The following GRIP1 variants were observed in gnomAD, a reference collection of about 807,000 sequenced individuals.
GRIP1 encodes glutamate receptor interacting protein 1.
GRIP1 carries 45 observed loss-of-function variants against 129.9 expected under a neutral mutation model. That is an observed-to-expected ratio of 0.35 (90% CI 0.27 to 0.44). GRIP1 has a LOEUF of 0.44. GRIP1 is among the 20% of genes least tolerant of loss of function. The probability of loss-of-function intolerance (pLI) is 1.00; values close to 1 mark genes in which losing one functional copy is unlikely to be tolerated. For synonymous variants in GRIP1, 530 were observed against 520.8 expected, an observed-to-expected ratio of 1.02 and a Z score of -0.24; for missense variants, 1,196 against 1,396.8, an observed-to-expected ratio of 0.86 and a Z score of 2.29.
At chr12:66,982,127 A>T (rs2042249222) in intron 1 of GRIP1, among the ~76,000 whole-genome samples, 1 of 152,222 alleles carries the variant, frequency 6.6e-6, no homozygotes, top group East Asian at 1.9e-4. Context: ...AAGGTCAAAG[A>T]TGTTAATTAA....
At chr12:66,395,014 G>A (rs1213461516) in intron 16 of GRIP1, among the ~76,000 whole-genome samples, 1 of 152,272 alleles carries the variant, frequency 6.6e-6, no homozygotes, top group Non-Finnish European at 1.5e-5. Context: ...CTCTTTCAAT[G>A]GAGTAACAGC....
chr12:66,743,104 GAGA>G (rs1377380384), intron 1 of GRIP1, among the ~76,000 whole-genome samples: 1 of 152,060 alleles, frequency 6.6e-6, no homozygotes, highest in Non-Finnish European at 1.5e-5. Context: ...AAATAAAGAA[GAGA>G]ACCATTCTCC....
intron 7 of GRIP1, among the ~76,000 whole-genome samples, chr12:66,471,643 A>G (rs1046358443): frequency 2.0e-5 from 3 of 152,232 alleles, no homozygotes; most frequent in African/African-American, 7.2e-5. Flanking sequence ...GAGAAAGTCT[A>G]CTAGTCTCTA....
intron 1 of GRIP1, among the ~76,000 whole-genome samples, chr12:67,059,246 G>C (rs946415545): frequency 2.6e-5 from 4 of 152,210 alleles, no homozygotes; most frequent in South Asian, 2.1e-4. Flanking sequence ...GATAGGACAA[G>C]TACCTAGAAA....
intron 22 of GRIP1, among the ~76,000 whole-genome samples, chr12:66,376,064 A>G (rs76741926): frequency 0.011 from 1,684 of 152,314 alleles, 36 homozygotes; most frequent in African/African-American, 0.039. Flanking sequence ...AAAATGAATC[A>G]TTGCTAACAT....
intron 2 of GRIP1, among the ~76,000 whole-genome samples, chr12:66,583,064 G>T (rs976975164): frequency 1.7e-3 from 250 of 151,494 alleles, no homozygotes; most frequent in African/African-American, 5.9e-3. Context: ...CAGAGATATA[G>T]ATCAATGGAA....
intron 1 of GRIP1, among the ~76,000 whole-genome samples, chr12:66,691,494 T>C (rs1859863632): frequency 6.6e-6 from 1 of 152,192 alleles, no homozygotes; most frequent in African/African-American, 2.4e-5. Flanking sequence ...CAAAGTTAGA[T>C]CCATCAACTT....
At chr12:66,880,167 T>C (rs1219300138) in intron 1 of GRIP1, among the ~76,000 whole-genome samples, 1 of 151,904 alleles carries the variant, frequency 6.6e-6, no homozygotes, top group African/African-American at 2.4e-5. Flanking sequence ...TGACCAGCCA[T>C]GCAAAGAAGG....
rs1463136035 is a variant in GRIP1 at position 66,731,740 on chromosome 12, A to G, written c.-420+72313T>C. 3.9e-5 allele frequency among the ~76,000 whole-genome samples: 6 copies of G among 152,318 alleles called. No homozygotes were observed. In the East Asian group the frequency reaches 9.6e-4, roughly 24 times the overall value. On this transcript the variant is annotated intron_variant, in intron 1 of 4. Coordinates refer to the GRIP1 transcript ENST00000538373. The stretch of plus-strand genomic sequence containing the variant: ...CTTAATGCCACTGAACTGTATACTA[A>G]AAGTGGTTAAAATGGTAAATTTTAT...
At chr12:66,749,274 T>A (rs2037050458) in intron 1 of GRIP1, among the ~76,000 whole-genome samples, 1 of 152,158 alleles carries the variant, frequency 6.6e-6, no homozygotes, top group Non-Finnish European at 1.5e-5. Flanking sequence ...ATAAAGGAAA[T>A]GTTGAATGGA....
intron 1 of GRIP1, among the ~76,000 whole-genome samples, chr12:66,781,810 T>C (rs1018128264): frequency 6.6e-6 from 1 of 152,146 alleles, no homozygotes; most frequent in African/African-American, 2.4e-5. Flanking sequence ...TCAGAAACCT[T>C]CTTAGGTAGG....
In GRIP1 at chr12:66,401,609, T is replaced by TATATATATATATACACAC. The variant is rs1169241331; in HGVS notation, c.1984+4673_1984+4674insGTGTGTATATATATATAT. 1.9e-3 allele frequency among the ~76,000 whole-genome samples: 209 copies of TATATATATATATACACAC among 110,172 alleles called. 1 individual carries two copies. The highest frequency in any genetic ancestry group is 3.6e-3 in the East Asian group (12 of 3,364). 72.3% of individuals were successfully genotyped at this position (110,172 alleles called of 152,430 possible). On this transcript the variant is annotated intron_variant, in intron 16 of 24. Coordinates refer to ENST00000359742, the MANE Select transcript of GRIP1 (RefSeq NM_001366722.1). ...AAAAAAATATGTGTGTATATATATA[T>TATATATATATATACACAC]ACACACACACACACACACACACACA...
rs2065012783 is a variant in GRIP1, at chr12:66,615,741, T to C, written c.56-18814A>G. Among the ~76,000 whole-genome samples, 2 of 152,082 alleles carry C rather than the reference T, an allele frequency of 1.3e-5. 1 individual carries two copies. Among genetic ancestry groups the C allele is most frequent in the South Asian group, 4.1e-4 (2 of 4,820 alleles). On this transcript the variant is annotated intron_variant, in intron 1 of 24. Transcript: ENST00000359742. ...TTCATTGCAACTTTCGCCTCCTGGG[T>C]TCAAGCGATTCTCCTGCCTCAGCCT...
chr12:66,958,508 G>A (rs1201127291), intron 1 of GRIP1, among the ~76,000 whole-genome samples: 3 of 152,166 alleles, frequency 2.0e-5, no homozygotes, highest in Non-Finnish European at 4.4e-5. Context: ...GCCAGCACCA[G>A]AATCAGCTGT....
chr12:66,714,886 CCCATCCATCCATCCATCCATCCATCCAT>C (rs71069016), intron 1 of GRIP1, among the ~76,000 whole-genome samples: 1 of 147,692 alleles, frequency 6.8e-6, no homozygotes, highest in East Asian at 2.0e-4. Context: ...ATTCAATCCA[CCCATCCATCCATCCATCCATCCATCCAT>C]CCATCCATCC....
At chr12:66,590,748 A>C (rs2063822111) in intron 2 of GRIP1, among the ~76,000 whole-genome samples, 1 of 152,184 alleles carries the variant, frequency 6.6e-6, no homozygotes, top group Non-Finnish European at 1.5e-5. Context: ...GGCTTTTCAA[A>C]GTCTCTAGCT....
chr12:66,831,031 G>A (rs981726210), intron 1 of GRIP1, among the ~76,000 whole-genome samples: 1 of 151,812 alleles, frequency 6.6e-6, no homozygotes, highest in African/African-American at 2.4e-5. Context: ...ATTTATTGTA[G>A]AGATGCGGTC....
chr12:66,792,433 G>A (rs1006027635), intron 1 of GRIP1, among the ~76,000 whole-genome samples: 2 of 152,038 alleles, frequency 1.3e-5, no homozygotes, highest in Admixed American at 6.6e-5. Context: ...GTAGGAGCTG[G>A]GCATGGTGGC....
At chr12:66,589,451 C>A (rs937195620) in intron 2 of GRIP1, among the ~76,000 whole-genome samples, 1 of 152,136 alleles carries the variant, frequency 6.6e-6, no homozygotes, top group African/African-American at 2.4e-5. Flanking sequence ...TGACTACTGA[C>A]AAAGTGAAGT....
Sources: gnomAD v4.1 joint callset for allele counts (sites outside exome capture counted in the v4.1 genomes callset) on GRCh38, gnomAD v4.1.1 for gene constraint, MANE v1.5 for transcripts, NCBI Gene and HGNC (gene_info 2026-07-23, HGNC 2026-07-21) for gene names.